R3HDM2: variants seen among roughly 807,000 people sequenced by gnomAD.
R3HDM2 encodes the protein R3H domain containing 2, also known as R3H domain-containing protein 2.
Under a neutral mutation model 124.5 loss-of-function variants are expected in R3HDM2, and 38 were observed. The ratio of observed to expected loss-of-function variants is 0.31; its 90% CI spans 0.24 to 0.40. R3HDM2 has a LOEUF of 0.40. Among genes scored for constraint, R3HDM2 ranks in the 10% least tolerant of loss-of-function variants. R3HDM2 has a pLI of 1.00. For synonymous variants in R3HDM2, 391 were observed against 448.0 expected (o/e 0.87, Z 1.61); for missense variants, 869 against 1,236.9 (o/e 0.70, Z 4.46).
chr12:57,268,175 A>T, intron 18 of R3HDM2, 128 bp downstream of exon 18: 2 of 965,494 alleles, frequency 2.1e-6, no homozygotes, highest in Non-Finnish European at 2.9e-6. Flanking sequence ...CTCATATTCT[A>T]CCTGCTTTAG....
At chr12:57,337,511 T>A (rs117387969) in intron 2 of R3HDM2, among the ~76,000 whole-genome samples, 1 of 152,102 alleles carries the variant, frequency 6.6e-6, no homozygotes, top group Non-Finnish European at 1.5e-5. Flanking sequence ...CAACTTTCAG[T>A]GGGAGTCATA....
At chr12:57,273,047 C>CT (rs2043943953) in intron 14 of R3HDM2, among the ~76,000 whole-genome samples, 1 of 152,182 alleles carries the variant, frequency 6.6e-6, no homozygotes, top group Non-Finnish European at 1.5e-5. Context: ...GGCTCAGCTG[C>CT]TCCTGATTTC....
chr12:57,424,154 G>GT (rs1314666914), intron 1 of R3HDM2, among the ~76,000 whole-genome samples: 1 of 139,604 alleles, frequency 7.2e-6, no homozygotes, highest in Non-Finnish European at 1.5e-5. Flanking sequence ...CAAAGAAACT[G>GT]TAAGTGAACA....
intron 2 of R3HDM2, among the ~76,000 whole-genome samples, chr12:57,358,521 C>T (rs1227375960): frequency 1.3e-5 from 2 of 151,848 alleles, no homozygotes; most frequent in South Asian, 2.1e-4. Context: ...GTACTGTGCA[C>T]CTGTACCAAC....
chr12:57,390,057 TAGTC>T (rs1460492137), intron 2 of R3HDM2, among the ~76,000 whole-genome samples: 1 of 151,858 alleles, frequency 6.6e-6, no homozygotes, highest in African/African-American at 2.4e-5. Flanking sequence ...TATTGGATAG[TAGTC>T]AGTAACAATA....
In R3HDM2 at chr12:57,288,992, T is replaced by C; in HGVS notation, c.938+17A>G. 2 of 1,549,166 alleles carry C rather than the reference T, an allele frequency of 1.3e-6. No individual in the cohort carries two copies. The highest frequency in any genetic ancestry group is 1.7e-6 in the Non-Finnish European group (2 of 1,144,566). On this transcript the variant is annotated intron_variant, in intron 12 of 23. Transcript: ENST00000402412. The stretch of plus-strand genomic sequence containing the variant: ...AAAGCTCAATGAGAAGCAGGGAACA[T>C]GCTAAGTGGTACTAACCTGATGTCA...
At chr12:57,427,648 C>T (rs1479037823) in intron 1 of R3HDM2, among the ~76,000 whole-genome samples, 2 of 150,906 alleles carry the variant, frequency 1.3e-5, no homozygotes, top group East Asian at 2.0e-4. Context: ...CTGCGCCTGG[C>T]CCTGAAGCTT....
intron 3 of R3HDM2, 81 bp downstream of exon 3, chr12:57,310,183 T>G: frequency 9.5e-7 from 1 of 1,051,466 alleles, no homozygotes; most frequent in Non-Finnish European, 1.3e-6. Context: ...GCACTCCAGG[T>G]TGGGTAACAG....
At chr12:57,284,117 G>C in intron 12 of R3HDM2, 61 bp from the exon 13 acceptor site, 1 of 1,378,770 alleles carries the variant, frequency 7.3e-7, no homozygotes, top group Non-Finnish European at 1.0e-6. Context: ...AGGGCTAGGA[G>C]ATAATTCATT....
At chr12:57,270,045 C>A (rs770161007) in intron 14 of R3HDM2, 51 bp from the exon 15 acceptor site, 1 of 1,603,120 alleles carries the variant, frequency 6.2e-7, no homozygotes, top group South Asian at 1.1e-5. Context: ...AACCTCATGT[C>A]TTTGGCTTCA....
At chr12:57,376,193 T>C (rs2064042218) in intron 2 of R3HDM2, among the ~76,000 whole-genome samples, 1 of 152,238 alleles carries the variant, frequency 6.6e-6, no homozygotes, top group African/African-American at 2.4e-5. Context: ...AAGATGTCCA[T>C]GGGACCAGAG....
intron 2 of R3HDM2, among the ~76,000 whole-genome samples, chr12:57,333,425 C>A (rs1198445104): frequency 6.6e-6 from 1 of 152,180 alleles, no homozygotes; most frequent in Non-Finnish European, 1.5e-5. Context: ...CACAGTGGCT[C>A]ATGCCTGTAA....
At chr12:57,386,217 G>A (rs552649486) in intron 2 of R3HDM2, among the ~76,000 whole-genome samples, 2 of 152,322 alleles carry the variant, frequency 1.3e-5, no homozygotes, top group South Asian at 4.1e-4. Context: ...GGCGGCACTT[G>A]AGGAGCCCTT....
intron 2 of R3HDM2, among the ~76,000 whole-genome samples, chr12:57,343,353 C>G (rs1332173093): frequency 6.6e-6 from 1 of 151,860 alleles, no homozygotes; most frequent in African/African-American, 2.4e-5. Context: ...CCAGGCCCAG[C>G]TAATTTTGTA....
At chr12:57,341,229 A>C (rs1456670152) in intron 2 of R3HDM2, 1 of 169,938 alleles carries the variant, frequency 5.9e-6, no homozygotes. Context: ...TATAGGGTTA[A>C]TTCAGGCACC....
At chr12:57,307,147 C>A (rs149340137) in intron 3 of R3HDM2, among the ~76,000 whole-genome samples, 1,539 of 152,304 alleles carry the variant, frequency 0.01, 18 homozygotes, top group African/African-American at 0.036. Context: ...TTGCTGATCC[C>A]AAGGACATAT....
intron 18 of R3HDM2, 145 bp from the exon 19 acceptor site, chr12:57,266,976 T>G: frequency 1.7e-6 from 1 of 583,784 alleles, no homozygotes; most frequent in Non-Finnish European, 3.1e-6. Context: ...ATGCAATTTC[T>G]AAAATCACTC....
intron 2 of R3HDM2, among the ~76,000 whole-genome samples, chr12:57,316,743 G>A (rs1015729754): frequency 2.7e-5 from 4 of 150,374 alleles, no homozygotes; most frequent in Admixed American, 6.6e-5. Flanking sequence ...GCACCACCAC[G>A]CCCAGCTATT....
At chr12:57,304,088 G>T (rs1276608876) in intron 3 of R3HDM2, among the ~76,000 whole-genome samples, 1 of 152,124 alleles carries the variant, frequency 6.6e-6, no homozygotes, top group South Asian at 2.1e-4. Context: ...CAAAATATCT[G>T]TTCCTATAGC....
Sources: allele counts gnomAD v4.1 joint callset (sites outside exome capture counted in the v4.1 genomes callset), GRCh38; gene constraint gnomAD v4.1.1; transcripts MANE v1.5; gene names NCBI Gene and HGNC (gene_info 2026-07-23, HGNC 2026-07-21).